FOXP1: variants seen among roughly 807,000 people sequenced by gnomAD.
The protein encoded by FOXP1 is forkhead box protein P1.
FOXP1 carries 15 observed loss-of-function variants against 98.2 expected under a neutral mutation model. That is an observed-to-expected ratio of 0.15 (90% CI 0.10 to 0.24). The LOEUF is 0.24. Among genes scored for constraint, FOXP1 ranks in the 10% least tolerant of loss-of-function variants. The pLI, the probability that FOXP1 is intolerant of heterozygous loss-of-function variation, is 1.00. For missense variants in FOXP1, 633 were observed against 848.5 expected (o/e 0.75, Z 3.15); for synonymous variants, 371 against 314.5 (o/e 1.18, Z -1.90).
chr3:71,051,102 CA>C (rs1223741322), intron 9 of FOXP1, among the ~76,000 whole-genome samples: 5 of 152,202 alleles, frequency 3.3e-5, no homozygotes, highest in African/African-American at 4.8e-5. Context: ...AAACAGCCAG[CA>C]AAACAAAGCT....
In FOXP1 at chr3:71,544,444, G is replaced by T. The variant is rs893300329; in HGVS notation, c.-298+37105C>A. 2.0e-5 allele frequency among the ~76,000 whole-genome samples: 3 copies of T among 151,552 alleles called. No individual in the cohort carries two copies. In the East Asian group the frequency reaches 5.8e-4, roughly 29 times the overall value. On this transcript the variant is annotated intron_variant, in intron 2 of 20. Coordinates refer to ENST00000649528, the MANE Select transcript of FOXP1 (RefSeq NM_001349338.3). Reference sequence around the variant, plus strand: ...AAGCAGGAAAGACTAGACAGACTCTGCTGATCGTGGAAGTACTACAAGTGA... The same window carrying T: ...AAGCAGGAAAGACTAGACAGACTCTTCTGATCGTGGAAGTACTACAAGTGA...
rs112678649 is a variant in FOXP1, at chr3:71,548,399, C to CTGTTTT, written c.-298+33144_-298+33149dup. On this transcript the variant is annotated intron_variant, in intron 2 of 20. Transcript: ENST00000649528. Reference sequence around the variant, plus strand: ...CGTATTTCCTGTCCCCCTTCCTCAACTGTTTTTGTTTTTGTTTTTATTTTA... The same window carrying CTGTTTT: ...CGTATTTCCTGTCCCCCTTCCTCAACTGTTTTTGTTTTTGTTTTTGTTTTTATTTTA... Among the ~76,000 whole-genome samples, 1,124 of 152,182 alleles carry CTGTTTT rather than the reference C, an allele frequency of 7.4e-3. 12 individuals are homozygous for CTGTTTT. Among genetic ancestry groups the CTGTTTT allele is most frequent in the African/African-American group, 0.024 (1,013 of 41,504 alleles).
chr3:71,212,995 T>C (rs1405575975), intron 5 of FOXP1, among the ~76,000 whole-genome samples: 1 of 151,252 alleles, frequency 6.6e-6, no homozygotes, highest in Non-Finnish European at 1.5e-5. Flanking sequence ...AAGAGAAAAA[T>C]GTAAGCCTCC....
intron 11 of FOXP1, 27 bp downstream of exon 11, chr3:71,041,301 G>T (rs2048304319): frequency 4.4e-6 from 7 of 1,592,760 alleles, no homozygotes; most frequent in Non-Finnish European, 6.0e-6. Flanking sequence ...AGGCAGTTTT[G>T]GACCCATCTC....
intron 5 of FOXP1, among the ~76,000 whole-genome samples, chr3:71,282,046 G>A (rs553761971): frequency 8.5e-4 from 129 of 152,010 alleles, no homozygotes; most frequent in African/African-American, 2.8e-3. Context: ...GAGGCGGAGG[G>A]TGCAGTGAGC....
rs180754738 is a variant in FOXP1 at position 71,131,899 on chromosome 3, A to G, written c.181-19262T>C. 5.5e-3 allele frequency among the ~76,000 whole-genome samples: 833 copies of G among 152,304 alleles called. 6 individuals carry two copies. Among genetic ancestry groups the G allele is most frequent in the African/African-American group, 0.019 (783 of 41,568 alleles). On this transcript the variant is annotated intron_variant, in intron 6 of 20. Coordinates refer to ENST00000649528, the MANE Select transcript of FOXP1 (RefSeq NM_001349338.3). ...AGACTAGGCTGGGGGAAAAAATGGG[A>G]AAGATCTGGTTTACTGCCTCATCTC...
At chr3:71,221,855 A>G (rs78652615) in intron 5 of FOXP1, among the ~76,000 whole-genome samples, 2,492 of 152,324 alleles carry the variant, frequency 0.016, 142 homozygotes, top group East Asian at 0.15. Context: ...TCTGAAGCCA[A>G]TCAGAACAAA....
intron 3 of FOXP1, among the ~76,000 whole-genome samples, chr3:71,464,368 G>A (rs1285614144): frequency 6.6e-6 from 1 of 152,208 alleles, no homozygotes; most frequent in Non-Finnish European, 1.5e-5. Context: ...CCCACAGTGC[G>A]GGGCTCTCGG....
intron 6 of FOXP1, among the ~76,000 whole-genome samples, chr3:71,122,752 C>G (rs745702438): frequency 6.6e-6 from 1 of 152,152 alleles, no homozygotes; most frequent in African/African-American, 2.4e-5. Context: ...AGTTCAGTGA[C>G]TTGCCCAAGG....
At chr3:71,389,240 GGGGGGGGGGGGGCC>G (rs1163017692) in intron 3 of FOXP1, among the ~76,000 whole-genome samples, 4 of 57,346 alleles carry the variant, frequency 7.0e-5, no homozygotes, top group Non-Finnish European at 1.5e-4. Context: ...GTAAGCGGCG[GGGGGGGGGGGGGCC>G]GGGGGGGGCG....
intron 13 of FOXP1, among the ~76,000 whole-genome samples, chr3:70,997,812 T>C (rs2041595153): frequency 6.6e-6 from 1 of 152,224 alleles, no homozygotes; most frequent in Non-Finnish European, 1.5e-5. Context: ...TCCAGCAAGA[T>C]TCCTGCTATC....
intron 5 of FOXP1, among the ~76,000 whole-genome samples, chr3:71,220,919 CT>C (rs200376632): frequency 4.9e-5 from 2 of 40,528 alleles, no homozygotes; most frequent in Non-Finnish European, 4.6e-5. Context: ...TATTAATCCT[CT>C]TTTTTTTTTC....
At chr3:71,142,269 A>G (rs768445173) in intron 6 of FOXP1, among the ~76,000 whole-genome samples, 5 of 152,228 alleles carry the variant, frequency 3.3e-5, no homozygotes, top group African/African-American at 9.6e-5. Context: ...TGTGGTTGGC[A>G]GAATTCTCAG....
At chr3:71,083,096 C>T (rs140176564) in intron 7 of FOXP1, among the ~76,000 whole-genome samples, 1 of 152,258 alleles carries the variant, frequency 6.6e-6, no homozygotes, top group African/African-American at 2.4e-5. Flanking sequence ...TATGTCCCCA[C>T]CAAATCTTGT....
At chr3:70,967,274 C>G (rs2035010183) in intron 19 of FOXP1, among the ~76,000 whole-genome samples, 1 of 152,174 alleles carries the variant, frequency 6.6e-6, no homozygotes, top group African/African-American at 2.4e-5. Context: ...ATCTGTCTGG[C>G]TAGTATGACA....
intron 5 of FOXP1, among the ~76,000 whole-genome samples, chr3:71,281,443 C>T (rs971299530): frequency 6.6e-6 from 1 of 152,146 alleles, no homozygotes; most frequent in Non-Finnish European, 1.5e-5. Flanking sequence ...AGAAAGCACC[C>T]GCTTCATGTT....
upstream of FOXP1, chr3:71,583,851 G>A: frequency 1.0e-6 from 1 of 986,208 alleles, no homozygotes; most frequent in Non-Finnish European, 1.2e-6. Context: ...ACCGGCCCGG[G>A]GGCGCACCCC....
chr3:71,217,728 G>T (rs1189188485), intron 5 of FOXP1, among the ~76,000 whole-genome samples: 1 of 152,082 alleles, frequency 6.6e-6, no homozygotes, highest in Admixed American at 6.6e-5. Flanking sequence ...GGGATGAAAT[G>T]AGCTTTACAG....
At chr3:71,546,784 C>A (rs1191771125) in intron 2 of FOXP1, among the ~76,000 whole-genome samples, 2 of 152,218 alleles carry the variant, frequency 1.3e-5, no homozygotes, top group African/African-American at 4.8e-5. Context: ...TCTAAACGGA[C>A]GATGATTTGC....
Sources: allele counts gnomAD v4.1 joint callset (sites outside exome capture counted in the v4.1 genomes callset), GRCh38; gene constraint gnomAD v4.1.1; transcripts MANE v1.5; gene names NCBI Gene and HGNC (gene_info 2026-07-23, HGNC 2026-07-21).